Variants in POLR1A observed in about 807,000 individuals in gnomAD.
POLR1A encodes the protein DNA-directed RNA polymerase I subunit RPA1.
Under a neutral mutation model 205.3 loss-of-function variants are expected in POLR1A, and 84 were observed. The ratio of observed to expected loss-of-function variants is 0.41; its 90% CI spans 0.34 to 0.49. The LOEUF (loss-of-function observed/expected upper bound fraction) is 0.49, where lower values mean the gene tolerates loss of function less well. POLR1A is among the 20% of genes least tolerant of loss of function. The pLI is 0.22. For synonymous variants in POLR1A, 799 were observed against 863.7 expected, an observed-to-expected ratio of 0.93 and a Z score of 1.31; for missense variants, 1,645 against 2,204.5, an observed-to-expected ratio of 0.75 and a Z score of 5.08.
intron 24 of POLR1A, 71 bp downstream of exon 24, chr2:86,041,818 C>T: frequency 7.6e-7 from 1 of 1,314,812 alleles, no homozygotes; most frequent in Non-Finnish European, 1.1e-6. Flanking sequence ...GTGAGTAGGG[C>T]AGGGGCTAGG....
At chr2:86,098,156 T>C (rs1673741528) in intron 3 of POLR1A, among the ~76,000 whole-genome samples, 1 of 152,236 alleles carries the variant, frequency 6.6e-6, no homozygotes, top group African/African-American at 2.4e-5. Flanking sequence ...GTTGTATTCT[T>C]GCCAAAATGT....
chr2:86,070,402 G>T lies in POLR1A; in HGVS notation c.1612-130C>A. ...CGTTCTAGTTAACTAAATGCAAGGG[G>T]AATTTTTCATCTGGAGCAAAACCCT... On this transcript the variant is annotated intron_variant, in intron 12 of 33. Transcript: ENST00000263857. This position sits in a 1 kb window ranked among gnomAD's most constrained non-coding sequence, Gnocchi z 4.4. 1.0e-6 allele frequency: 1 copy of T among 983,410 alleles called. No homozygotes were observed. Among genetic ancestry groups the T allele is most frequent in the Non-Finnish European group, 1.5e-6 (1 of 673,328 alleles). The allele number at this position is 983,410 out of a possible 1,614,324, so 60.9% of individuals were successfully genotyped here.
rs1573799207 is a variant in POLR1A, at chr2:86,028,783, CT to C, written c.4780-73del. On this transcript the variant is annotated intron_variant, in intron 31 of 33. Coordinates refer to ENST00000263857, the MANE Select transcript of POLR1A (RefSeq NM_015425.6). This position sits in a 1 kb window ranked among gnomAD's most constrained non-coding sequence, Gnocchi z 4.5. ...CTCCCTTCTGCCTGCGTATCTCCCC[CT>C]GGCCGCTCTCTCTCTCCTTGTGTCT... is the stretch of plus-strand genomic sequence containing the variant. 24 of 1,084,952 alleles carry C rather than the reference CT, an allele frequency of 2.2e-5. No individual in the cohort carries two copies. In the East Asian group the frequency reaches 5.0e-4, roughly 22 times the overall value. The allele number at this position is 1,084,952 out of a possible 1,614,324, so 67.2% of individuals were successfully genotyped here. A position where few individuals can be genotyped will look rare whatever the true frequency, so the allele number is the denominator to read the frequency against.
intron 3 of POLR1A, among the ~76,000 whole-genome samples, chr2:86,094,311 T>G (rs1471022760): frequency 6.6e-6 from 1 of 152,222 alleles, no homozygotes; most frequent in Non-Finnish European, 1.5e-5. Context: ...GATTCCTACT[T>G]TATTCAATGG....
At chr2:86,064,181 G>A (rs1049508619) in intron 14 of POLR1A, among the ~76,000 whole-genome samples, 16 of 152,048 alleles carry the variant, frequency 1.1e-4, no homozygotes, top group African/African-American at 3.9e-4. Context: ...TTGCCAACAG[G>A]TGAAAAGGGC....
Position 86,032,322 on chromosome 2 carries a change from C to G in POLR1A, c.4222G>C (p.Gly1408Arg), listed in dbSNP as rs749307055. ...GHIVDAEAEE[G>R]DADASDAKRK... is the part of the protein sequence containing the mutation. Reference sequence around the variant, plus strand: ...TTGGCATCAGAGGCATCGGCGTCCCCCTCCTCAGCTTCAGCATCCACAATG... The same window carrying G: ...TTGGCATCAGAGGCATCGGCGTCCCGCTCCTCAGCTTCAGCATCCACAATG... The change falls in exon 29 of 34, where the codon GGG becomes CGG. Residue 1408 changes from glycine (G) to arginine (R), a missense_variant. Gly to Arg is a moderately radical substitution (Grantham distance 125, BLOSUM62 -2). This residue lies in a region of POLR1A where 394 missense variants were observed against 468.5 expected (regional missense o/e 0.84). Transcript: ENST00000263857. 6.2e-7 allele frequency: 1 copy of G among 1,613,828 alleles called. No homozygotes were observed. Among genetic ancestry groups the G allele is most frequent in the South Asian group, 1.1e-5 (1 of 91,072 alleles).
Position 86,070,925 on chromosome 2 carries a change from G to A in POLR1A, c.1612-653C>T, listed in dbSNP as rs780763550. On this transcript the variant is annotated intron_variant, in intron 12 of 33. Coordinates refer to ENST00000263857, the MANE Select transcript of POLR1A (RefSeq NM_015425.6). The surrounding 1 kb of genome is among the most constrained non-coding windows in gnomAD (Gnocchi z 4.4). ...TTAAAACACTTAAAACACATTTTCT[G>A]TTGGCTCTTCAAGAAAAAAAAAAGC... 1.3e-5 allele frequency among the ~76,000 whole-genome samples: 2 copies of A among 151,810 alleles called. No individual in the cohort carries two copies. The highest frequency in any genetic ancestry group is 2.9e-5 in the Non-Finnish European group (2 of 67,960).
Position 86,077,807 on chromosome 2 carries a change from GCGCGCACACACACACACA to G in POLR1A, c.1380+34_1380+51del, listed in dbSNP as rs1165265266. The stretch of plus-strand genomic sequence containing the variant: ...GGGAGCAAATGAGCCCTGCACGCGC[GCGCGCACACACACACACA>G]CACACACACACACACACACACACAC... On this transcript the variant is annotated intron_variant, in intron 11 of 33. Coordinates refer to ENST00000263857, the MANE Select transcript of POLR1A (RefSeq NM_015425.6). 55 of 1,008,572 alleles carry G rather than the reference GCGCGCACACACACACACA, an allele frequency of 5.5e-5. No homozygotes were observed. In the East Asian group the frequency reaches 7.2e-4, roughly 13 times the overall value. The allele number at this position is 1,008,572 out of a possible 1,614,324, so 62.5% of individuals were successfully genotyped here.
chr2:86,027,663 C>T (rs1672294044), intron 33 of POLR1A, 140 bp from the exon 34 acceptor site: 2 of 846,510 alleles, frequency 2.4e-6, no homozygotes, highest in African/African-American at 1.7e-5. Flanking sequence ...CACGAGGCAG[C>T]CCCCCTCTAG....
intron 6 of POLR1A, among the ~76,000 whole-genome samples, chr2:86,083,986 G>A (rs1219986063): frequency 6.6e-6 from 1 of 152,112 alleles, no homozygotes; most frequent in Non-Finnish European, 1.5e-5. Context: ...CCTAAGACAA[G>A]TAAGTAGTGT....
At chr2:86,035,581 ACT>A in intron 27 of POLR1A, among the ~76,000 whole-genome samples, 1 of 152,210 alleles carries the variant, frequency 6.6e-6, no homozygotes, top group East Asian at 1.9e-4. Context: ...GCCTGTCTCA[ACT>A]TGTGGCAATG....
rs888576188 is a variant in POLR1A at position 86,052,923 on chromosome 2, G to C, written c.2286C>G (p.Val762=). The C allele has an allele frequency of 3.1e-6, 5 of 1,609,588 alleles. No individual in the cohort carries two copies. The African/African-American group carries it at 6.7e-5, about 22-fold the overall frequency. Residue 762 remains valine, a synonymous_variant, in exon 16 of 34, where the codon GTC becomes GTG. Coordinates refer to ENST00000263857, the MANE Select transcript of POLR1A (RefSeq NM_015425.6). ...CTCCATAGATCTCATAGCAGCAGTG[G>C]ACCAGGCCGTAGGCGGAGCTCCCAT... ...AHYGSSAYGL[V]HCCYEIYGGE...
intron 13 of POLR1A, 44 bp from the exon 14 acceptor site, chr2:86,065,509 T>A: frequency 6.4e-7 from 1 of 1,568,092 alleles, no homozygotes. Context: ...AAAATAAATC[T>A]TAAGTCAAAC....
rs985127910 is a variant in POLR1A at position 86,070,719 on chromosome 2, T to C, written c.1612-447A>G. On this transcript the variant is annotated intron_variant, in intron 12 of 33. Coordinates refer to ENST00000263857, the MANE Select transcript of POLR1A (RefSeq NM_015425.6). The surrounding 1 kb of genome is among the most constrained non-coding windows in gnomAD (Gnocchi z 4.4). ...ATCCCCCCCCCGCCGTGATCACATG[T>C]GAGTACATTATTCTAAACAGAAATT... Among the ~76,000 whole-genome samples the C allele has an allele frequency of 2.1e-5, 3 of 140,198 alleles. No individual in the cohort carries two copies. The highest frequency in any genetic ancestry group is 4.6e-5 in the Non-Finnish European group (3 of 65,148). 92.0% of individuals were successfully genotyped at this position (140,198 alleles called of 152,430 possible).
chr2:86,058,922 G>A (rs1672948557), intron 14 of POLR1A, among the ~76,000 whole-genome samples: 1 of 152,006 alleles, frequency 6.6e-6, no homozygotes, highest in Admixed American at 6.6e-5. Context: ...TTCGAGACCA[G>A]CCAGTGCAAC....
intron 14 of POLR1A, among the ~76,000 whole-genome samples, chr2:86,056,789 A>G (rs952358151): frequency 6.6e-6 from 1 of 152,204 alleles, no homozygotes; most frequent in Non-Finnish European, 1.5e-5. Flanking sequence ...GTGACTGCAC[A>G]TCTGTTTACA....
At chr2:86,039,871 A>C in intron 25 of POLR1A, 2 of 222,434 alleles carry the variant, frequency 9.0e-6, no homozygotes, top group Non-Finnish European at 1.8e-5. Context: ...CCACAGAAGG[A>C]CCCCCTGAGG....
rs11372631 is a variant in POLR1A, at chr2:86,020,547, CAAAAAAAAAAAA to C, written c.*6864_*6875del. On this transcript the variant is annotated 3_prime_UTR_variant, in exon 34 of 34. Transcript: ENST00000263857. ...TGGGCAACAGAGTGAGACCCCGTCT[CAAAAAAAAAAAA>C]AAAAAAAAAAAGATGCCACTGCTTC... 1 of 73,310 alleles carries C rather than the reference CAAAAAAAAAAAA, an allele frequency of 1.4e-5. No individual in the cohort carries two copies. The highest frequency in any genetic ancestry group is 4.2e-4 in the East Asian group (1 of 2,358). The allele number at this position is 73,310 out of a possible 1,614,324, so 4.5% of individuals were successfully genotyped here. A position where few individuals can be genotyped will look rare whatever the true frequency, so the allele number is the denominator to read the frequency against.
intron 13 of POLR1A, 29 bp downstream of exon 13, chr2:86,069,989 C>A: frequency 6.2e-7 from 1 of 1,601,672 alleles, no homozygotes; most frequent in Non-Finnish European, 8.5e-7. Flanking sequence ...CTGACGATGA[C>A]CACGGAACAG....
Sources: gnomAD v4.1 joint callset for allele counts (sites outside exome capture counted in the v4.1 genomes callset) on GRCh38, gnomAD v4.1.1 for gene constraint, gnomAD v4.1.1 regional missense constraint, Gnocchi (gnomAD v3.1) non-coding constraint, MANE v1.5 for transcripts, NCBI Gene and HGNC (gene_info 2026-07-23, HGNC 2026-07-21) for gene names.